Variants in NAV2 observed in about 807,000 individuals in gnomAD.
The protein encoded by NAV2 is neuron navigator 2.
Under a neutral mutation model 223.2 loss-of-function variants are expected in NAV2, and 54 were observed. That is an observed-to-expected ratio of 0.24 (90% CI 0.19 to 0.30). The LOEUF (loss-of-function observed/expected upper bound fraction) is 0.30. Among genes scored for constraint, NAV2 ranks in the 10% least tolerant of loss-of-function variants. The pLI is 1.00. For synonymous variants in NAV2, 1,279 were observed against 1,239.3 expected, an observed-to-expected ratio of 1.03 and a Z score of -0.67; for missense variants, 2,806 against 3,147.5, an observed-to-expected ratio of 0.89 and a Z score of 2.60.
intron 3 of NAV2, among the ~76,000 whole-genome samples, chr11:19,855,582 C>T (rs1170272752): frequency 6.6e-6 from 1 of 152,150 alleles, no homozygotes; most frequent in Non-Finnish European, 1.5e-5. Flanking sequence ...AGTGTCGTCT[C>T]GTATACTTTC....
At chr11:19,966,967 G>A (rs1361372678) in intron 10 of NAV2, among the ~76,000 whole-genome samples, 1 of 152,206 alleles carries the variant, frequency 6.6e-6, no homozygotes, top group African/African-American at 2.4e-5. Context: ...TGCTGCTGCT[G>A]CTGCTGCTAT....
intron 1 of NAV2, among the ~76,000 whole-genome samples, chr11:19,352,862 C>T (rs578108595): frequency 1.1e-4 from 17 of 152,190 alleles, no homozygotes; most frequent in African/African-American, 2.9e-4. Context: ...CTAGAAATAC[C>T]GCCACTGCAG....
intron 1 of NAV2, among the ~76,000 whole-genome samples, chr11:19,683,508 T>TAGA (rs2048933831): frequency 6.6e-6 from 1 of 152,244 alleles, no homozygotes; most frequent in African/African-American, 2.4e-5. Context: ...GCATTACTGG[T>TAGA]AGAGTTCTCA....
chr11:19,892,436 T>G lies in NAV2; in HGVS notation c.773T>G (p.Leu258Arg), dbSNP rs758359735. 1.3e-5 allele frequency: 21 copies of G among 1,613,612 alleles called. No individual in the cohort carries two copies. The highest frequency in any genetic ancestry group is 1.2e-4 in the South Asian group (11 of 90,988). ...SKAQAEMQSR[L>R]PGPTARVSAA... ...ATCCTGTTGCTTTTGCATTTTAGACTTCCAGGTCCTACCGCGAGGGTATCC... is the reference window on the plus strand; with the variant it reads ...ATCCTGTTGCTTTTGCATTTTAGACGTCCAGGTCCTACCGCGAGGGTATCC... Residue 258 changes from leucine (L) to arginine (R), a missense_variant and splice_region_variant, in exon 6 of 38, where the codon CTT becomes CGT. Around this residue, in one of 4 missense-constraint regions of NAV2, gnomAD observed 1,167 missense variants for 1,180.5 expected, o/e 0.99. Coordinates refer to ENST00000349880, the MANE Select transcript of NAV2 (RefSeq NM_145117.5).
At chr11:19,375,832 G>A (rs1848623605) in intron 1 of NAV2, among the ~76,000 whole-genome samples, 1 of 152,094 alleles carries the variant, frequency 6.6e-6, no homozygotes. Flanking sequence ...GGCGATGGTG[G>A]GGGGTGTGTG....
At chr11:19,649,743 AAAT>A (rs2047914883) in intron 1 of NAV2, among the ~76,000 whole-genome samples, 1 of 152,362 alleles carries the variant, frequency 6.6e-6, no homozygotes, top group Non-Finnish European at 1.5e-5. Flanking sequence ...ACACATAACC[AAAT>A]AATAAGAAAA....
intron 11 of NAV2, among the ~76,000 whole-genome samples, chr11:20,003,869 A>G (rs1358666332): frequency 6.6e-6 from 1 of 152,196 alleles, no homozygotes; most frequent in Non-Finnish European, 1.5e-5. Context: ...CAGTAAGAAA[A>G]ACAGCCATTC....
intron 8 of NAV2, 96 bp from the exon 9 acceptor site, chr11:19,946,305 C>A: frequency 9.5e-7 from 1 of 1,054,708 alleles, no homozygotes; most frequent in Non-Finnish European, 1.3e-6. Flanking sequence ...ACGTGCTGAG[C>A]ATGGAATATG....
chr11:19,882,107 A>G (rs1377613975), intron 5 of NAV2, among the ~76,000 whole-genome samples: 1 of 152,194 alleles, frequency 6.6e-6, no homozygotes, highest in Admixed American at 6.5e-5. Context: ...TTAAAGTAGT[A>G]GAAAGACTGG....
intron 1 of NAV2, among the ~76,000 whole-genome samples, chr11:19,600,742 A>G (rs1647037775): frequency 6.6e-6 from 1 of 152,250 alleles, no homozygotes; most frequent in Admixed American, 6.5e-5. Context: ...GTTAATACAC[A>G]TAAAAGCAAT....
intron 3 of NAV2, among the ~76,000 whole-genome samples, chr11:19,844,385 C>T (rs756436407): frequency 6.6e-6 from 1 of 152,166 alleles, no homozygotes; most frequent in Non-Finnish European, 1.5e-5. Flanking sequence ...ATTTGGTGCA[C>T]CTCTATTCTA....
rs1590661162 is a variant in NAV2 at position 19,605,528 on chromosome 11, T to C, written c.76-226956T>C. 4.1e-5 allele frequency among the ~76,000 whole-genome samples: 6 copies of C among 145,838 alleles called. No homozygotes were observed. In the South Asian group the frequency reaches 1.3e-3, roughly 31 times the overall value. On this transcript the variant is annotated intron_variant, in intron 1 of 37. Coordinates refer to the NAV2 transcript ENST00000360655. ...TTCTGGGCCCCAAACAATTTCTAAATATTATTTAAAAAAAAAAAAAAAAGA... is the reference window on the plus strand; with the variant it reads ...TTCTGGGCCCCAAACAATTTCTAAACATTATTTAAAAAAAAAAAAAAAAGA...
chr11:19,971,685 A>T (rs573551123), intron 10 of NAV2, among the ~76,000 whole-genome samples: 1 of 152,182 alleles, frequency 6.6e-6, no homozygotes, highest in Non-Finnish European at 1.5e-5. Context: ...CCATCCTCAC[A>T]TATTTTAACT....
upstream of NAV2, among the ~76,000 whole-genome samples, chr11:19,349,155 C>T (rs73428625): frequency 0.088 from 13,393 of 152,082 alleles, 600 homozygotes; most frequent in Middle Eastern, 0.17. Context: ...ACATTCTGCT[C>T]CTCACTGATT....
rs1308767112 is a variant in NAV2 at position 19,884,290 on chromosome 11, G to T, written c.770+4163G>T. 8.1e-6 allele frequency: 13 copies of T among 1,611,418 alleles called. No individual in the cohort carries two copies. In the African/African-American group the frequency reaches 1.6e-4, roughly 20 times the overall value. On this transcript the variant is annotated intron_variant, in intron 5 of 37. Transcript: ENST00000349880. ...CTTCCACTTTTTTCTTTCCTATCAT[G>T]CAGTGCATCATCCAAGGACTCATCT...
rs552913274 is a variant in NAV2, at chr11:19,731,614, C to T, written c.267+17652C>T. On this transcript the variant is annotated intron_variant, in intron 1 of 37. Coordinates refer to ENST00000349880, the MANE Select transcript of NAV2 (RefSeq NM_145117.5). Reference sequence around the variant, plus strand: ...AGAAATTCCAGGAGAGCATCTCACTCGCACCTGTAGGACCAGGATAGAGGT... The same window carrying T: ...AGAAATTCCAGGAGAGCATCTCACTTGCACCTGTAGGACCAGGATAGAGGT... 5.3e-5 allele frequency among the ~76,000 whole-genome samples: 8 copies of T among 152,294 alleles called. No homozygotes were observed. In the East Asian group the frequency reaches 1.4e-3, roughly 26 times the overall value.
At chr11:19,494,261 G>C (rs1419956208) in intron 1 of NAV2, among the ~76,000 whole-genome samples, 1 of 152,188 alleles carries the variant, frequency 6.6e-6, no homozygotes, top group African/African-American at 2.4e-5. Context: ...GTCATAAATA[G>C]GTATGCATTT....
At chr11:19,554,082 G>A (rs571460645) in intron 1 of NAV2, among the ~76,000 whole-genome samples, 4 of 152,330 alleles carry the variant, frequency 2.6e-5, no homozygotes, top group East Asian at 1.9e-4. Context: ...GAAATTCTGC[G>A]CTCTAAGCCA....
intron 1 of NAV2, among the ~76,000 whole-genome samples, chr11:19,650,278 C>G (rs1391204115): frequency 6.6e-6 from 1 of 152,110 alleles, no homozygotes; most frequent in Non-Finnish European, 1.5e-5. Context: ...GACATAGACA[C>G]AGAGGGAAGG....
Sources: allele counts gnomAD v4.1 joint callset (sites outside exome capture counted in the v4.1 genomes callset), GRCh38; gene constraint gnomAD v4.1.1; regional missense constraint gnomAD v4.1.1; transcripts MANE v1.5; gene names NCBI Gene and HGNC (gene_info 2026-07-23, HGNC 2026-07-21).